Variants in DBR1 observed in about 807,000 individuals in gnomAD.
The protein encoded by DBR1 is lariat debranching enzyme.
Under a neutral mutation model 45.9 loss-of-function variants are expected in DBR1, and 33 were observed. The observed-to-expected ratio is 0.72, with a 90% CI of 0.55 to 0.96. DBR1 has a LOEUF of 0.96. Among genes scored for constraint, DBR1 ranks in the 40% least tolerant of loss-of-function variants. DBR1 has a pLI of 0.00. For synonymous variants in DBR1, 235 were observed against 235.9 expected, an observed-to-expected ratio of 1.00 and a Z score of 0.04; for missense variants, 619 against 667.4, an observed-to-expected ratio of 0.93 and a Z score of 0.80.
At chr3:138,168,539 TTAAA>T (rs969151203) in intron 4 of DBR1, among the ~76,000 whole-genome samples, 1 of 148,770 alleles carries the variant, frequency 6.7e-6, no homozygotes, top group African/African-American at 2.5e-5. Context: ...AAAAAAAAAC[TTAAA>T]TAACTGCTCA....
At position 138,161,649 on chromosome 3, in the gene DBR1, C is replaced by G. The variant is rs957060798; in HGVS notation, c.*240G>C. ...TCGCCTGAGGTCAGGAGTTGGAGAC[C>G]AGCCTGGCCAACACGGTGAAACCCT... On this transcript the variant is annotated 3_prime_UTR_variant, in exon 8 of 8. Transcript: ENST00000260803. 78 of 406,412 alleles carry G rather than the reference C, an allele frequency of 1.9e-4. 1 individual carries two copies. Among genetic ancestry groups the G allele is most frequent in the African/African-American group, 1.4e-3 (71 of 49,492 alleles). The allele number at this position is 406,412 out of a possible 1,614,324, so 25.2% of individuals were successfully genotyped here. A position where few individuals can be genotyped will look rare whatever the true frequency, so the allele number is the denominator to read the frequency against.
In DBR1 at chr3:138,174,661, G is replaced by A. The variant is rs1445387185; in HGVS notation, c.135C>T (p.Asn45=). The A allele has an allele frequency of 1.9e-6, 3 of 1,612,434 alleles. No homozygotes were observed. The highest frequency in any genetic ancestry group is 1.7e-5 in the Admixed American group (1 of 59,826). Residue 45 remains asparagine, a synonymous_variant, in exon 1 of 8, where the codon AAC becomes AAT. Coordinates refer to ENST00000260803, the MANE Select transcript of DBR1 (RefSeq NM_016216.4). The part of the protein sequence containing the change: ...LCCGDFQAVR[N]EADLRCMAVP... ...CGGCCATGCAGCGTAGATCCGCCTC[G>A]TTGCGCACCGCCTGGAAGTCGCCGC...
At chr3:138,164,820 T>C (rs2042923069) in intron 5 of DBR1, among the ~76,000 whole-genome samples, 1 of 152,200 alleles carries the variant, frequency 6.6e-6, no homozygotes, top group Admixed American at 6.5e-5. Context: ...CTAATTTTTG[T>C]ATTTTTAGTA....
At chr3:138,173,717 T>C in intron 1 of DBR1, 91 bp from the exon 2 acceptor site, 1 of 1,394,810 alleles carries the variant, frequency 7.2e-7, no homozygotes, top group Non-Finnish European at 9.7e-7. Context: ...GAGTTCATCA[T>C]AAAAAGTTAA....
intron 4 of DBR1, among the ~76,000 whole-genome samples, chr3:138,168,054 GA>G (rs937839797): frequency 2.7e-5 from 4 of 149,318 alleles, no homozygotes; most frequent in Non-Finnish European, 5.9e-5. Flanking sequence ...GATTTACCAG[GA>G]AAAAAAAAAT....
Position 138,174,839 on chromosome 3 carries a change from CCA to C in DBR1, c.-46_-45del. ...TGAGCGCTGCCTGCAACGCCCTACACCACAGCCAGCCCAGGACCGACTGATCG... is the reference window on the plus strand; with the variant it reads ...TGAGCGCTGCCTGCAACGCCCTACACCAGCCAGCCCAGGACCGACTGATCG... On this transcript the variant is annotated 5_prime_UTR_variant, in exon 1 of 8. Coordinates refer to ENST00000260803, the MANE Select transcript of DBR1 (RefSeq NM_016216.4). 1 of 1,578,004 alleles carries C rather than the reference CCA, an allele frequency of 6.3e-7. No homozygotes were observed. Among genetic ancestry groups the C allele is most frequent in the South Asian group, 1.1e-5 (1 of 87,412 alleles).
Position 138,174,663 on chromosome 3 carries a change from T to A in DBR1, c.133A>T (p.Asn45Tyr), listed in dbSNP as rs756961219. 1 of 1,612,830 alleles carries A rather than the reference T, an allele frequency of 6.2e-7. No homozygotes were observed. The highest frequency in any genetic ancestry group is 2.2e-5 in the East Asian group (1 of 44,842). The change falls in exon 1 of 8, where the codon AAC (asparagine) becomes TAC (tyrosine). Residue 45 changes from asparagine to tyrosine, a missense_variant. Asn to Tyr is a moderately radical substitution (Grantham distance 143). Coordinates refer to ENST00000260803, the MANE Select transcript of DBR1 (RefSeq NM_016216.4). ...GCCATGCAGCGTAGATCCGCCTCGTTGCGCACCGCCTGGAAGTCGCCGCAG... is the reference window on the plus strand; with the variant it reads ...GCCATGCAGCGTAGATCCGCCTCGTAGCGCACCGCCTGGAAGTCGCCGCAG... ...LCCGDFQAVR[N>Y]EADLRCMAVP...
At chr3:138,164,007 T>C (rs1305096035) in intron 5 of DBR1, 149 bp from the exon 6 acceptor site, 5 of 524,836 alleles carry the variant, frequency 9.5e-6, no homozygotes, top group African/African-American at 1.9e-5. Flanking sequence ...AAAATTAAGT[T>C]AATTCTATAC....
chr3:138,163,335 A>G lies in DBR1; in HGVS notation c.941+14T>C, dbSNP rs1559882281. ...GCAATGGAAAAAGCAGGTCCTAAATAAAGTCTGACTTACCTTGCATGCAGG... is the reference window on the plus strand; with the variant it reads ...GCAATGGAAAAAGCAGGTCCTAAATGAAGTCTGACTTACCTTGCATGCAGG... On this transcript the variant is annotated intron_variant, in intron 7 of 7. Transcript: ENST00000260803. The G allele has an allele frequency of 6.2e-7, 1 of 1,607,982 alleles. No individual in the cohort carries two copies. Among genetic ancestry groups the G allele is most frequent in the Admixed American group, 1.7e-5 (1 of 58,734 alleles).
intron 2 of DBR1, among the ~76,000 whole-genome samples, chr3:138,173,086 A>AC (rs1457714895): frequency 6.4e-5 from 6 of 94,322 alleles, no homozygotes; most frequent in Non-Finnish European, 1.2e-4. Context: ...ATCTCTTCCC[A>AC]CAAAAAAAAA....
chr3:138,161,792 G>A lies in DBR1; in HGVS notation c.*97C>T. The A allele has an allele frequency of 1.0e-6, 1 of 987,014 alleles. No homozygotes were observed. The highest frequency in any genetic ancestry group is 1.6e-6 in the Non-Finnish European group (1 of 640,250). 61.1% of individuals were successfully genotyped at this position (987,014 alleles called of 1,614,324 possible). On this transcript the variant is annotated 3_prime_UTR_variant, in exon 8 of 8. Transcript: ENST00000260803. Reference sequence around the variant, plus strand: ...ACCTGGGAGGCGGAGGTTGCGGTGAGCCGAGATCACGCCATTGCACTCCAG... The same window carrying A: ...ACCTGGGAGGCGGAGGTTGCGGTGAACCGAGATCACGCCATTGCACTCCAG...
At chr3:138,170,439 T>G (rs1422617719) in intron 3 of DBR1, among the ~76,000 whole-genome samples, 2 of 152,216 alleles carry the variant, frequency 1.3e-5, no homozygotes, top group African/African-American at 4.8e-5. Flanking sequence ...ACTTTCTAAC[T>G]GTTGACTAGA....
Position 138,161,754 on chromosome 3 carries a change from G to A in DBR1, c.*135C>T, listed in dbSNP as rs1336414311. The A allele has an allele frequency of 5.8e-6, 4 of 691,348 alleles. No homozygotes were observed. The highest frequency in any genetic ancestry group is 7.4e-6 in the Non-Finnish European group (3 of 402,962). 42.8% of individuals were successfully genotyped at this position (691,348 alleles called of 1,614,324 possible). A position where few individuals can be genotyped will look rare whatever the true frequency, so the allele number is the denominator to read the frequency against. On this transcript the variant is annotated 3_prime_UTR_variant, in exon 8 of 8. Transcript: ENST00000260803. ...CCACCTACTTGGGAGGCTGAGGCAG[G>A]AGAATTGCTTGAACCTGGGAGGCGG...
intron 2 of DBR1, 76 bp downstream of exon 2, chr3:138,173,426 A>C (rs1291249286): frequency 1.1e-5 from 17 of 1,481,962 alleles, no homozygotes; most frequent in African/African-American, 1.4e-5. Context: ...ATGTCAAGAC[A>C]CAGTCCAACT....
intron 7 of DBR1, among the ~76,000 whole-genome samples, chr3:138,163,023 C>T (rs564302165): frequency 4.6e-5 from 7 of 152,146 alleles, no homozygotes; most frequent in African/African-American, 7.2e-5. Context: ...TTTGGGAGGC[C>T]GAGGGAGGTG....
chr3:138,168,482 T>C (rs2042940368), intron 4 of DBR1, among the ~76,000 whole-genome samples: 2 of 149,036 alleles, frequency 1.3e-5, no homozygotes, highest in South Asian at 4.2e-4. Flanking sequence ...ATCGCACTGT[T>C]GCACTCCAGC....
intron 5 of DBR1, chr3:138,164,198 C>T (rs1388163609): frequency 6.2e-6 from 1 of 160,658 alleles, no homozygotes; most frequent in Non-Finnish European, 1.4e-5. Context: ...ACTGGCAGAA[C>T]TTAAACTATA....
chr3:138,171,475 CAAAAAAAA>C lies in DBR1; in HGVS notation c.403+150_403+157del, dbSNP rs906867666. 6.5e-4 allele frequency: 45 copies of C among 69,576 alleles called. No individual in the cohort carries two copies. The East Asian group carries it at 9.4e-3, about 15-fold the overall frequency. 4.3% of individuals were successfully genotyped at this position (69,576 alleles called of 1,614,324 possible). On this transcript the variant is annotated intron_variant, in intron 3 of 7. Coordinates refer to ENST00000260803, the MANE Select transcript of DBR1 (RefSeq NM_016216.4). ...GGACACCAAGAACGAAACTCTGTCT[CAAAAAAAA>C]AAAAAAAAAAAAAAAAAGCAAAATA...
chr3:138,172,823 T>C (rs1269690287), intron 2 of DBR1, among the ~76,000 whole-genome samples: 3 of 152,146 alleles, frequency 2.0e-5, no homozygotes, highest in African/African-American at 7.2e-5. Flanking sequence ...CTAATAGACT[T>C]CAGAGTCATG....
Sources: gnomAD v4.1 joint callset for allele counts (sites outside exome capture counted in the v4.1 genomes callset) on GRCh38, gnomAD v4.1.1 for gene constraint, MANE v1.5 for transcripts, NCBI Gene and HGNC (gene_info 2026-07-23, HGNC 2026-07-21) for gene names.